CLASP2: variants seen among roughly 807,000 people sequenced by gnomAD.
The protein encoded by CLASP2 is cytoplasmic linker associated protein 2.
Under a neutral mutation model 194.4 loss-of-function variants are expected in CLASP2, and 47 were observed. The observed-to-expected ratio is 0.24, with a 90% CI of 0.19 to 0.31. CLASP2 has a LOEUF of 0.31. CLASP2 is among the 10% of genes least tolerant of loss of function. The pLI, the probability that CLASP2 is intolerant of heterozygous loss-of-function variation, is 1.00. For synonymous variants in CLASP2, 619 were observed against 633.5 expected, an observed-to-expected ratio of 0.98 and a Z score of 0.34; for missense variants, 1,445 against 1,823.6, an observed-to-expected ratio of 0.79 and a Z score of 3.78.
intron 25 of CLASP2, among the ~76,000 whole-genome samples, chr3:33,571,455 CCT>C (rs1318181572): frequency 6.6e-6 from 1 of 151,390 alleles, no homozygotes; most frequent in Non-Finnish European, 1.5e-5. Context: ...ATGGTGAAAC[CCT>C]GTCTCTACTA....
chr3:33,649,077 C>T (rs1391043031), intron 7 of CLASP2, among the ~76,000 whole-genome samples: 2 of 151,456 alleles, frequency 1.3e-5, no homozygotes, highest in Non-Finnish European at 2.9e-5. Flanking sequence ...CTAATCCCCC[C>T]ACCAGCCTAG....
chr3:33,641,514 C>A (rs1433545462), intron 8 of CLASP2, among the ~76,000 whole-genome samples: 2 of 151,072 alleles, frequency 1.3e-5, no homozygotes, highest in Non-Finnish European at 3.0e-5. Flanking sequence ...GGCTTAAAGG[C>A]TACACATTTA....
At chr3:33,570,358 C>T (rs2063510365) in intron 26 of CLASP2, among the ~76,000 whole-genome samples, 1 of 152,078 alleles carries the variant, frequency 6.6e-6, no homozygotes, top group Non-Finnish European at 1.5e-5. Context: ...ATATTTACAT[C>T]AATGCTGTAA....
chr3:33,684,322 GA>G (rs111738010), intron 6 of CLASP2, 36 bp downstream of exon 6: 140,712 of 827,766 alleles, frequency 0.17, 16 homozygotes, highest in South Asian at 0.22. Context: ...AACTAGTGGT[GA>G]AAAAAAAAAA....
chr3:33,693,539 A>G (rs1045479995), intron 2 of CLASP2, among the ~76,000 whole-genome samples: 2 of 152,202 alleles, frequency 1.3e-5, no homozygotes, highest in Non-Finnish European at 2.9e-5. Context: ...CCTCTCTAAG[A>G]GCACATAGGT....
At chr3:33,684,186 G>A (rs1294807370) in intron 6 of CLASP2, among the ~76,000 whole-genome samples, 173 bp downstream of exon 6, 1 of 150,294 alleles carries the variant, frequency 6.7e-6, no homozygotes, top group Non-Finnish European at 1.5e-5. Context: ...CAGAGGTTGT[G>A]GTGAGCCAAG....
chr3:33,613,748 C>T (rs533261462), intron 12 of CLASP2, among the ~76,000 whole-genome samples: 33 of 152,270 alleles, frequency 2.2e-4, no homozygotes, highest in African/African-American at 7.0e-4. Context: ...AACATTACTA[C>T]GGAGGTAAAA....
At chr3:33,608,738 A>ATT in intron 13 of CLASP2, 112 bp from the exon 14 acceptor site, 1 of 306,634 alleles carries the variant, frequency 3.3e-6, no homozygotes, top group Non-Finnish European at 6.2e-6. Context: ...ACATGTTTTT[A>ATT]GATATCTTTT....
chr3:33,614,909 T>C (rs2075846184), intron 12 of CLASP2, among the ~76,000 whole-genome samples: 1 of 152,110 alleles, frequency 6.6e-6, no homozygotes, highest in Non-Finnish European at 1.5e-5. Context: ...AAGAATAGCT[T>C]GAACCTGGGA....
chr3:33,551,421 G>A (rs192127456), intron 29 of CLASP2, 26 bp from the exon 30 acceptor site: 10 of 1,602,296 alleles, frequency 6.2e-6, no homozygotes, highest in Non-Finnish European at 8.5e-6. Context: ...CAAAGAGAAA[G>A]GACAGAAAGA....
chr3:33,612,581 CAT>C (rs2154267051), intron 12 of CLASP2, among the ~76,000 whole-genome samples: 1 of 152,304 alleles, frequency 6.6e-6, no homozygotes, highest in South Asian at 2.1e-4. Context: ...TCCATAAAGA[CAT>C]AATCTTCTGA....
intron 6 of CLASP2, among the ~76,000 whole-genome samples, chr3:33,677,780 A>G (rs1394744343): frequency 6.6e-6 from 1 of 150,966 alleles, no homozygotes; most frequent in Non-Finnish European, 1.5e-5. Context: ...AATTATTCCT[A>G]TTTTATAAAA....
At chr3:33,680,463 A>T (rs1330014633) in intron 6 of CLASP2, among the ~76,000 whole-genome samples, 1 of 152,246 alleles carries the variant, frequency 6.6e-6, no homozygotes, top group African/African-American at 2.4e-5. Context: ...CAGAGTATAC[A>T]GGAAATCTCT....
chr3:33,573,456 G>T, intron 24 of CLASP2, 102 bp from the exon 25 acceptor site: 1 of 1,150,364 alleles, frequency 8.7e-7, no homozygotes, highest in Non-Finnish European at 1.3e-6. Context: ...TTTAAAATCA[G>T]TGCAAAGCAT....
chr3:33,703,282 T>C (rs1469744658), intron 1 of CLASP2, among the ~76,000 whole-genome samples: 1 of 152,030 alleles, frequency 6.6e-6, no homozygotes, highest in Admixed American at 6.6e-5. Context: ...ACTCAAAAAA[T>C]GGGCAAAAGA....
intron 1 of CLASP2, among the ~76,000 whole-genome samples, chr3:33,700,654 C>T (rs1041746653): frequency 6.6e-6 from 1 of 151,670 alleles, no homozygotes; most frequent in Non-Finnish European, 1.5e-5. Flanking sequence ...GAGACCAGCC[C>T]AACCAACATG....
intron 18 of CLASP2, among the ~76,000 whole-genome samples, chr3:33,599,984 A>T (rs1015196530): frequency 6.6e-6 from 1 of 152,166 alleles, no homozygotes; most frequent in South Asian, 2.1e-4. Flanking sequence ...ATTGTCCCAA[A>T]TTGGCTTTCT....
intron 37 of CLASP2, chr3:33,502,565 A>G (rs1386777560): frequency 2.0e-5 from 3 of 152,196 alleles, no homozygotes; most frequent in African/African-American, 7.2e-5. Context: ...CCTTTTGACC[A>G]ACATCTTCCC....
intron 6 of CLASP2, among the ~76,000 whole-genome samples, chr3:33,680,184 C>T (rs958921045): frequency 1.3e-5 from 2 of 152,060 alleles, no homozygotes; most frequent in Non-Finnish European, 2.9e-5. Flanking sequence ...ATGAATGTTG[C>T]CAAGGATTAG....
Sources: allele counts gnomAD v4.1 joint callset (sites outside exome capture counted in the v4.1 genomes callset), GRCh38; gene constraint gnomAD v4.1.1; transcripts MANE v1.5; gene names NCBI Gene and HGNC (gene_info 2026-07-23, HGNC 2026-07-21).